KCNN2: variants seen among roughly 807,000 people sequenced by gnomAD.
The protein encoded by KCNN2 is potassium calcium-activated channel subfamily N member 2, also known as small conductance calcium-activated potassium channel protein 2.
KCNN2 carries 24 observed loss-of-function variants against 55.5 expected under a neutral mutation model. The ratio of observed to expected loss-of-function variants is 0.43; its 90% confidence interval spans 0.31 to 0.61. KCNN2 has a LOEUF of 0.61. Among genes scored for constraint, KCNN2 ranks in the 20% least tolerant of loss-of-function variants. The probability of loss-of-function intolerance (pLI) is 0.08; values close to 1 mark genes in which losing one functional copy is unlikely to be tolerated. For synonymous variants in KCNN2, 431 were observed against 336.1 expected (o/e 1.28, Z -3.09); for missense variants, 754 against 853.6 (o/e 0.88, Z 1.45).
intron 6 of KCNN2, among the ~76,000 whole-genome samples, chr5:114,489,221 G>A (rs1235301389): frequency 6.6e-6 from 1 of 152,122 alleles, no homozygotes; most frequent in South Asian, 2.1e-4. Context: ...TCAAAAGCCT[G>A]GGGGAGAATT....
In KCNN2 at chr5:114,236,531, C is replaced by T. The variant is rs1289990447; in HGVS notation, c.-185+14966C>T. ...TAAAGTAAAAGCTATACTCTGGTTT[C>T]TCTTCAGATCATATAAATCTTTTGC... On this transcript the variant is annotated intron_variant, in intron 2 of 10. Coordinates refer to the KCNN2 transcript ENST00000512097. Among the ~76,000 whole-genome samples, 4 of 152,034 alleles carry T rather than the reference C, an allele frequency of 2.6e-5. No individual in the cohort carries two copies. In the South Asian group the frequency reaches 8.3e-4, roughly 32 times the overall value.
chr5:114,181,321 T>C (rs886789336), intron 1 of KCNN2, among the ~76,000 whole-genome samples: 3 of 152,198 alleles, frequency 2.0e-5, no homozygotes, highest in Non-Finnish European at 4.4e-5. Flanking sequence ...AGTATCACCT[T>C]GTGGTTTTAA....
chr5:114,240,619 A>G (rs1036407369), intron 2 of KCNN2, among the ~76,000 whole-genome samples: 4 of 151,902 alleles, frequency 2.6e-5, no homozygotes, highest in Admixed American at 2.0e-4. Flanking sequence ...TTTAGTAAAG[A>G]CGGGTTTCGC....
intron 2 of KCNN2, among the ~76,000 whole-genome samples, chr5:114,355,438 GA>G (rs1561582546): frequency 3.3e-5 from 5 of 152,198 alleles, no homozygotes; most frequent in Non-Finnish European, 7.3e-5. Context: ...TTTTAGCACT[GA>G]GCAACCAGAG....
intron 1 of KCNN2, among the ~76,000 whole-genome samples, chr5:114,100,930 A>G (rs71579445): frequency 0.19 from 29,411 of 151,752 alleles, 3,063 homozygotes; most frequent in African/African-American, 0.27. Context: ...CATTTTATAT[A>G]TAATTATTAA....
chr5:114,173,031 C>T (rs891197439), intron 1 of KCNN2, among the ~76,000 whole-genome samples: 6 of 151,778 alleles, frequency 4.0e-5, no homozygotes, highest in African/African-American at 1.4e-4. Context: ...TGGAGATTTT[C>T]CTCAATATTT....
chr5:114,299,813 T>A (rs553374299), intron 2 of KCNN2, among the ~76,000 whole-genome samples: 370 of 152,260 alleles, frequency 2.4e-3, no homozygotes, highest in Non-Finnish European at 4.2e-3. Context: ...GCAACCCAGT[T>A]AGGTTCTGTG....
At chr5:114,213,002 A>T (rs1312404874) in intron 1 of KCNN2, among the ~76,000 whole-genome samples, 1 of 151,988 alleles carries the variant, frequency 6.6e-6, no homozygotes, top group African/African-American at 2.4e-5. Flanking sequence ...GAATAAATGG[A>T]TACCCCTGTA....
In KCNN2 at chr5:114,363,069, G is replaced by A. The variant is rs771128950; in HGVS notation, c.930G>A (p.Gly310=). ...CTGGAGGAGGCGGCGGCGGTGGCGG[G>A]AGCGGGCACGGCAGCAGCAGTGGCA... ...GSTGGGGGGG[G]SGHGSSSGTK... is the part of the protein sequence containing the mutation. Residue 310 remains glycine (G), a synonymous_variant, in exon 1 of 8, where the codon GGG becomes GGA. Coordinates refer to ENST00000673685, the MANE Select transcript of KCNN2 (RefSeq NM_021614.4). 3.1e-6 allele frequency: 5 copies of A among 1,609,664 alleles called. No individual in the cohort carries two copies. In the East Asian group the frequency reaches 1.1e-4, roughly 36 times the overall value.
At chr5:114,287,637 T>TA (rs748247065) in intron 2 of KCNN2, among the ~76,000 whole-genome samples, 223 of 151,490 alleles carry the variant, frequency 1.5e-3, no homozygotes, top group Non-Finnish European at 2.7e-3. Flanking sequence ...TTAGGACAAA[T>TA]ACCTAATGCA....
chr5:114,471,325 T>TAA (rs1761730851), intron 4 of KCNN2, among the ~76,000 whole-genome samples: 1 of 19,432 alleles, frequency 5.1e-5, no homozygotes, highest in African/African-American at 5.5e-5. Context: ...AGATTACTTA[T>TAA]AATACTTTTA....
At chr5:114,319,141 T>C (rs1756565466) in intron 2 of KCNN2, among the ~76,000 whole-genome samples, 2 of 152,030 alleles carry the variant, frequency 1.3e-5, no homozygotes, top group African/African-American at 4.8e-5. Flanking sequence ...GGAGACAAAA[T>C]AGATTAAGGA....
At chr5:114,166,060 A>G (rs1179102206) in intron 1 of KCNN2, among the ~76,000 whole-genome samples, 2 of 151,264 alleles carry the variant, frequency 1.3e-5, no homozygotes, top group South Asian at 2.1e-4. Flanking sequence ...TCTTTTTTTT[A>G]TTATTATTTT....
chr5:114,346,650 T>A (rs111939422), intron 2 of KCNN2, among the ~76,000 whole-genome samples: 1 of 151,976 alleles, frequency 6.6e-6, no homozygotes, highest in Non-Finnish European at 1.5e-5. Flanking sequence ...TCTGTGTGTA[T>A]GGGTTCATAT....
At chr5:114,151,038 C>T (rs779762997) in intron 1 of KCNN2, among the ~76,000 whole-genome samples, 42 of 151,686 alleles carry the variant, frequency 2.8e-4, no homozygotes, top group Non-Finnish European at 1.5e-4. Flanking sequence ...AACAAACAAA[C>T]AACAACAAAA....
chr5:114,423,288 G>C (rs337684), intron 3 of KCNN2, among the ~76,000 whole-genome samples: 72,656 of 151,944 alleles, frequency 0.48, 19,449 homozygotes, highest in African/African-American at 0.73. Context: ...CATTTCTCAT[G>C]GTGTCCTCAG....
At chr5:114,332,223 C>G (rs2150033487) in intron 2 of KCNN2, among the ~76,000 whole-genome samples, 1 of 152,270 alleles carries the variant, frequency 6.6e-6, no homozygotes, top group Non-Finnish European at 1.5e-5. Flanking sequence ...GGATGTGTGA[C>G]AGACACAGAC....
intron 2 of KCNN2, among the ~76,000 whole-genome samples, chr5:114,273,226 A>C (rs1755403805): frequency 6.6e-6 from 1 of 152,162 alleles, no homozygotes; most frequent in African/African-American, 2.4e-5. Flanking sequence ...TTATGGCTGC[A>C]TAGTATTCCA....
rs904229704 is a variant in KCNN2, at chr5:114,383,277, C to T, written c.1218+19276C>T. Among the ~76,000 whole-genome samples the T allele has an allele frequency of 5.3e-5, 8 of 152,184 alleles. No homozygotes were observed. In the South Asian group the frequency reaches 1.2e-3, roughly 24 times the overall value. The stretch of plus-strand genomic sequence containing the variant: ...GTGTAGACCCTGTACTTTCTTATTG[C>T]TCTCTCATTCATGTAGTATTTGGTG... On this transcript the variant is annotated intron_variant, in intron 2 of 7. Coordinates refer to ENST00000673685, the MANE Select transcript of KCNN2 (RefSeq NM_021614.4).
Sources: gnomAD v4.1 joint callset for allele counts (sites outside exome capture counted in the v4.1 genomes callset) on GRCh38, gnomAD v4.1.1 for gene constraint, MANE v1.5 for transcripts, NCBI Gene and HGNC (gene_info 2026-07-23, HGNC 2026-07-21) for gene names.